PLEKHG7: variants seen among roughly 807,000 people sequenced by gnomAD.
PLEKHG7 encodes the protein pleckstrin homology domain-containing family G member 7.
A neutral mutation model predicts 85.2 loss-of-function variants in PLEKHG7; 77 were observed. That is an observed-to-expected ratio of 0.90 (90% CI 0.75 to 1.09). PLEKHG7 has a LOEUF of 1.09. PLEKHG7 is among the 50% of genes least tolerant of loss of function. The pLI is 0.00. For synonymous variants in PLEKHG7, 301 were observed against 302.4 expected (o/e 1.00, Z 0.05); for missense variants, 777 against 804.3 (o/e 0.97, Z 0.41).
At chr12:92,760,119 G>T (rs1490169301) in intron 13 of PLEKHG7, among the ~76,000 whole-genome samples, 1 of 152,108 alleles carries the variant, frequency 6.6e-6, no homozygotes, top group East Asian at 1.9e-4. Flanking sequence ...TGACTCAGAA[G>T]TTGCATGCTT....
intron 4 of PLEKHG7, 64 bp downstream of exon 4, chr12:92,729,184 G>T: frequency 1.6e-6 from 2 of 1,228,146 alleles, no homozygotes; most frequent in East Asian, 3.2e-5. Context: ...CCATAACCAG[G>T]GGGAATTTTC....
intron 3 of PLEKHG7, among the ~76,000 whole-genome samples, chr12:92,713,844 A>G (rs1295098770): frequency 1.3e-5 from 2 of 152,156 alleles, no homozygotes; most frequent in African/African-American, 4.8e-5. Context: ...TAACCAAGAA[A>G]TAAACTCTTG....
At chr12:92,722,144 C>T (rs1398769036) in intron 3 of PLEKHG7, among the ~76,000 whole-genome samples, 1 of 152,034 alleles carries the variant, frequency 6.6e-6, no homozygotes, top group African/African-American at 2.4e-5. Context: ...ACCGTGAGAC[C>T]TAAATTCAGT....
chr12:92,737,938 G>A (rs1462271020), intron 7 of PLEKHG7, among the ~76,000 whole-genome samples: 1 of 152,134 alleles, frequency 6.6e-6, no homozygotes, highest in Non-Finnish European at 1.5e-5. Flanking sequence ...TGTCCCATCC[G>A]ATGTTGAATG....
At chr12:92,765,727 G>A (rs12316605) in intron 15 of PLEKHG7, among the ~76,000 whole-genome samples, 202 of 152,094 alleles carry the variant, frequency 1.3e-3, no homozygotes, top group African/African-American at 4.7e-3. Context: ...TCAGGAGTTC[G>A]AGGCTGCAGT....
chr12:92,721,015 A>G (rs990805611), intron 3 of PLEKHG7, among the ~76,000 whole-genome samples: 2 of 152,190 alleles, frequency 1.3e-5, no homozygotes, highest in Non-Finnish European at 2.9e-5. Flanking sequence ...TAAGTTCCTT[A>G]TGCATCCCTC....
intron 15 of PLEKHG7, among the ~76,000 whole-genome samples, chr12:92,767,145 A>G (rs1467704817): frequency 1.3e-5 from 2 of 152,206 alleles, no homozygotes; most frequent in East Asian, 1.9e-4. Flanking sequence ...GGGTTGCTAT[A>G]TAGAGAAAAA....
chr12:92,738,698 C>G (rs1267917134), intron 7 of PLEKHG7, among the ~76,000 whole-genome samples: 1 of 152,186 alleles, frequency 6.6e-6, no homozygotes, highest in Non-Finnish European at 1.5e-5. Context: ...AGTCCTTGTC[C>G]TAAGCTGTAA....
intron 10 of PLEKHG7, among the ~76,000 whole-genome samples, chr12:92,749,063 C>A (rs1872614259): frequency 6.6e-6 from 1 of 152,104 alleles, no homozygotes; most frequent in South Asian, 2.1e-4. Context: ...CCTGTCTGAA[C>A]CCAATGTTGA....
intron 5 of PLEKHG7, among the ~76,000 whole-genome samples, chr12:92,734,768 G>C (rs1214559485): frequency 1.3e-5 from 2 of 152,130 alleles, no homozygotes; most frequent in Non-Finnish European, 2.9e-5. Flanking sequence ...TTAACCTTCA[G>C]TTTTGCTCCA....
chr12:92,721,559 TGGTGGGTGGG>T, intron 3 of PLEKHG7: 1 of 430,846 alleles, frequency 2.3e-6, no homozygotes, highest in Non-Finnish European at 3.0e-6. Context: ...GGTTTCTACA[TGGTGGGTGGG>T]GGTGGGGAAA....
chr12:92,742,627 C>A (rs1169201950), intron 9 of PLEKHG7, among the ~76,000 whole-genome samples: 2 of 150,414 alleles, frequency 1.3e-5, no homozygotes, highest in Non-Finnish European at 3.0e-5. Flanking sequence ...ACTCTGTTGC[C>A]CAGGTTGGAG....
intron 3 of PLEKHG7, among the ~76,000 whole-genome samples, chr12:92,717,289 C>G (rs186380814): frequency 6.6e-6 from 1 of 152,290 alleles, no homozygotes; most frequent in African/African-American, 2.4e-5. Context: ...GAAAGTTTGT[C>G]TTGAGGAAAA....
rs1197351778 is a variant in PLEKHG7 at position 92,705,081 on chromosome 12, CAA to C, written c.-161-1388_-161-1387del. ...TATGACTGACACAGATTAAAAGAAA[CAA>C]AGAGGAGAGAGTGGTTGCCATAGGC... On this transcript the variant is annotated intron_variant, in intron 1 of 16. Coordinates refer to ENST00000344636, the MANE Select transcript of PLEKHG7 (RefSeq NM_001377329.1). 5.9e-5 allele frequency among the ~76,000 whole-genome samples: 9 copies of C among 152,252 alleles called. No individual in the cohort carries two copies. The East Asian group carries it at 1.7e-3, about 29-fold the overall frequency.
chr12:92,745,510 G>T lies in PLEKHG7; in HGVS notation c.1170G>T (p.Gln390His). ...YFRGSLCQSHQTYCLNYSAAI... is the reference protein window; with the variant it reads ...YFRGSLCQSHHTYCLNYSAAI... ...GAGGGAGTCTCTGTCAGAGCCACCA[G>T]ACCTACTGCCTGAACTATTCAGCTG... is the stretch of plus-strand genomic sequence containing the variant. The change falls in exon 10 of 17, where the codon CAG becomes CAT. Residue 390 changes from glutamine to histidine, a missense_variant. By Grantham distance (24) the Gln-to-His change is conservative. This residue lies in a region of PLEKHG7 where 520 missense variants were observed against 544.0 expected (regional missense o/e 0.96). Coordinates refer to ENST00000344636, the MANE Select transcript of PLEKHG7 (RefSeq NM_001377329.1). The T allele has an allele frequency of 1.2e-6, 2 of 1,613,970 alleles. No individual in the cohort carries two copies. The highest frequency in any genetic ancestry group is 8.5e-7 in the Non-Finnish European group (1 of 1,179,860).
intron 15 of PLEKHG7, among the ~76,000 whole-genome samples, chr12:92,768,764 A>T (rs1282413850): frequency 1.3e-5 from 2 of 152,174 alleles, no homozygotes; most frequent in Non-Finnish European, 1.5e-5. Context: ...TAAGGAAGAA[A>T]GGGTTTTTAT....
intron 15 of PLEKHG7, among the ~76,000 whole-genome samples, chr12:92,765,368 G>A (rs1370976364): frequency 4.7e-5 from 7 of 148,390 alleles, no homozygotes; most frequent in Admixed American, 4.1e-4. Context: ...GGTGGCTCAC[G>A]CCTGTAATCC....
At chr12:92,746,593 G>T (rs548078010) in intron 10 of PLEKHG7, among the ~76,000 whole-genome samples, 3 of 152,206 alleles carry the variant, frequency 2.0e-5, no homozygotes, top group Non-Finnish European at 2.9e-5. Flanking sequence ...AGAAGCTGAT[G>T]GATTACACTC....
intron 11 of PLEKHG7, among the ~76,000 whole-genome samples, chr12:92,754,754 T>A (rs1240766502): frequency 6.6e-6 from 1 of 152,202 alleles, no homozygotes; most frequent in African/African-American, 2.4e-5. Flanking sequence ...GCAGGCCCTA[T>A]GATGACTTAA....
Sources: gnomAD v4.1 joint callset for allele counts (sites outside exome capture counted in the v4.1 genomes callset) on GRCh38, gnomAD v4.1.1 for gene constraint, gnomAD v4.1.1 regional missense constraint, MANE v1.5 for transcripts, NCBI Gene and HGNC (gene_info 2026-07-23, HGNC 2026-07-21) for gene names.